CCAR2: variants seen among roughly 807,000 people sequenced by gnomAD.
The protein encoded by CCAR2 is cell cycle and apoptosis regulator protein 2.
CCAR2 carries 21 observed loss-of-function variants against 108.1 expected under a neutral mutation model. The observed-to-expected ratio is 0.19, with a 90% CI of 0.14 to 0.28. CCAR2 has a LOEUF of 0.28. Ranked by LOEUF, CCAR2 falls within the 10% of genes least tolerant of loss-of-function variation. The pLI, the probability that CCAR2 is intolerant of heterozygous loss-of-function variation, is 1.00. For synonymous variants in CCAR2, 577 were observed against 472.8 expected, an observed-to-expected ratio of 1.22 and a Z score of -2.86; for missense variants, 1,126 against 1,177.0, an observed-to-expected ratio of 0.96 and a Z score of 0.63.
In CCAR2 at chr8:22,615,928, CT is replaced by C. The variant is rs1563921760; in HGVS notation, c.1608+18del. The C allele has an allele frequency of 6.2e-7, 1 of 1,613,606 alleles. No individual in the cohort carries two copies. The highest frequency in any genetic ancestry group is 1.7e-5 in the Admixed American group (1 of 60,002). On this transcript the variant is annotated intron_variant, in intron 13 of 20. Transcript: ENST00000308511. The stretch of plus-strand genomic sequence containing the variant: ...CTCTTTTGAGGCAGGTGTCAAGAGT[CT>C]TGGGGAGGCTGTGGGCTGGGATTTG...
At chr8:22,615,966 C>T (rs1440237111) in intron 13 of CCAR2, 46 bp from the exon 14 acceptor site, 2 of 1,612,414 alleles carry the variant, frequency 1.2e-6, no homozygotes, top group East Asian at 2.2e-5. Flanking sequence ...GGGCCTGAAG[C>T]AGTCTTTCTT....
chr8:22,619,887 A>C lies in CCAR2; in HGVS notation c.*205A>C. 1.7e-6 allele frequency: 1 copy of C among 593,064 alleles called. No homozygotes were observed. Among genetic ancestry groups the C allele is most frequent in the Admixed American group, 2.9e-5 (1 of 34,244 alleles). The allele number at this position is 593,064 out of a possible 1,614,324, so 36.7% of individuals were successfully genotyped here. A position where few individuals can be genotyped will look rare whatever the true frequency, so the allele number is the denominator to read the frequency against. ...TGGATGTGTGAGGAACCCCGGTTCC[A>C]CTTAACAACTAAATACAACATCTTT... On this transcript the variant is annotated 3_prime_UTR_variant, in exon 21 of 21. Transcript: ENST00000308511.
At chr8:22,606,580 C>T (rs201309902) in intron 3 of CCAR2, 27 bp from the exon 4 acceptor site, 6 of 1,591,386 alleles carry the variant, frequency 3.8e-6, no homozygotes, top group African/African-American at 1.3e-5. Context: ...CTCCCTTTTA[C>T]TTTTCAGCTG....
intron 8 of CCAR2, 111 bp downstream of exon 8, chr8:22,613,247 C>G: frequency 8.4e-7 from 1 of 1,192,280 alleles, no homozygotes; most frequent in Non-Finnish European, 1.1e-6. Flanking sequence ...CCTTTTCTTA[C>G]AAAACGAAAA....
chr8:22,617,600 G>C (rs1563925839), intron 15 of CCAR2, 36 bp downstream of exon 15: 1 of 1,608,836 alleles, frequency 6.2e-7, no homozygotes, highest in Admixed American at 1.7e-5. Context: ...TTGCAGGCTT[G>C]GGATGTGGCT....
chr8:22,615,340 T>G, intron 11 of CCAR2, 85 bp from the exon 12 acceptor site: 1 of 1,498,976 alleles, frequency 6.7e-7, no homozygotes, highest in Non-Finnish European at 9.0e-7. Context: ...GAGTGCTGAC[T>G]GGAAACTGAA....
At position 22,616,153 on chromosome 8, in the gene CCAR2, A is replaced by G. The variant is rs1172880495; in HGVS notation, c.1750A>G (p.Thr584Ala). ...EKEEAAKEEA[T>A]KEEEAIKEEV... is the part of the protein sequence containing the mutation. Reference sequence around the variant, plus strand: ...GGAGGAGGCGGCCAAGGAAGAAGCCACCAAGGAGGAAGAAGCCATCAAAGA... The same window carrying G: ...GGAGGAGGCGGCCAAGGAAGAAGCCGCCAAGGAGGAAGAAGCCATCAAAGA... The change falls in exon 14 of 21, where the codon ACC becomes GCC. Residue 584 changes from threonine (T) to alanine (A), a missense_variant. Physicochemically the swap from Thr to Ala is moderately conservative, Grantham distance 58. Around this residue, in one of 4 missense-constraint regions of CCAR2, gnomAD observed 1,013 missense variants for 993.9 expected, o/e 1.02. Transcript: ENST00000308511. 1.9e-6 allele frequency: 3 copies of G among 1,613,958 alleles called. No individual in the cohort carries two copies. The highest frequency in any genetic ancestry group is 1.7e-4 in the Middle Eastern group (1 of 6,058).
Position 22,606,617 on chromosome 8 carries a change from A to T in CCAR2, c.161A>T (p.Lys54Ile), listed in dbSNP as rs376518135. ...QNARHLQGGE[K>I]QRVFTGIVTS... ...CTCCTTCTCTTACAGGGTGGGGAGA[A>T]ACAGCGGGTCTTCACTGGTATTGTT... Residue 54 changes from lysine (K) to isoleucine (I), a missense_variant, in exon 4 of 21, where the codon AAA becomes ATA. This residue lies in a region of CCAR2 where 17 missense variants were observed against 56.1 expected (regional missense o/e 0.30). Coordinates refer to ENST00000308511, the MANE Select transcript of CCAR2 (RefSeq NM_001393997.1). 1 of 1,613,848 alleles carries T rather than the reference A, an allele frequency of 6.2e-7. No homozygotes were observed. Among genetic ancestry groups the T allele is most frequent in the African/African-American group, 1.3e-5 (1 of 74,922 alleles).
rs893807052 is a variant in CCAR2, at chr8:22,604,800, C to T, written c.-81C>T. 6.6e-6 allele frequency: 3 copies of T among 455,562 alleles called. No homozygotes were observed. Among genetic ancestry groups the T allele is most frequent in the African/African-American group, 4.0e-5 (2 of 50,054 alleles). 28.2% of individuals were successfully genotyped at this position (455,562 alleles called of 1,614,324 possible). ...GGCGGCAGCAGCGGCTGTGGTGGTT[C>T]CGGGTGTCTTTGTCCCCCCGGTGTC... is the stretch of plus-strand genomic sequence containing the variant. On this transcript the variant is annotated 5_prime_UTR_variant, in exon 1 of 21. Coordinates refer to ENST00000308511, the MANE Select transcript of CCAR2 (RefSeq NM_001393997.1).
At chr8:22,611,388 A>ATATATGTGTGTGTGTGTG (rs1554559973) in intron 7 of CCAR2, among the ~76,000 whole-genome samples, 37 of 128,478 alleles carry the variant, frequency 2.9e-4, no homozygotes, top group Non-Finnish European at 4.8e-4. Context: ...AAGTATATAT[A>ATATATGTGTGTGTGTGTG]TGTGTGTGTG....
intron 7 of CCAR2, among the ~76,000 whole-genome samples, chr8:22,611,647 AG>A (rs2117436215): frequency 6.6e-6 from 1 of 152,132 alleles, no homozygotes; most frequent in East Asian, 1.9e-4. Flanking sequence ...TTAATCTTAC[AG>A]TTCAAATTAT....
intron 7 of CCAR2, among the ~76,000 whole-genome samples, chr8:22,608,990 G>A (rs1370011825): frequency 6.6e-6 from 1 of 151,850 alleles, no homozygotes; most frequent in Non-Finnish European, 1.5e-5. Context: ...AGATTGAAAT[G>A]CACAAATCTT....
At chr8:22,611,550 A>G (rs185381906) in intron 7 of CCAR2, among the ~76,000 whole-genome samples, 1 of 152,186 alleles carries the variant, frequency 6.6e-6, no homozygotes, top group East Asian at 1.9e-4. Context: ...AGAATTTTAG[A>G]AAATAATTTT....
At chr8:22,611,610 C>G (rs1801286579) in intron 7 of CCAR2, among the ~76,000 whole-genome samples, 1 of 152,038 alleles carries the variant, frequency 6.6e-6, no homozygotes, top group Non-Finnish European at 1.5e-5. Flanking sequence ...TAGTTTTTAT[C>G]TATACATGTG....
rs747580810 is a variant in CCAR2 at position 22,616,132 on chromosome 8, G to C, written c.1729G>C (p.Glu577Gln). Residue 577 changes from glutamate (E) to glutamine (Q), a missense_variant, in exon 14 of 21, where the codon GAG (glutamate) becomes CAG (glutamine). Physicochemically the swap from Glu to Gln is conservative, Grantham distance 29. This residue lies in a region of CCAR2 where 1,013 missense variants were observed against 993.9 expected (regional missense o/e 1.02). Transcript: ENST00000308511. ...GTCCCCACCTGAACCTGAGAAGGAGGAGGCGGCCAAGGAAGAAGCCACCAA... is the reference window on the plus strand; with the variant it reads ...GTCCCCACCTGAACCTGAGAAGGAGCAGGCGGCCAAGGAAGAAGCCACCAA... ...VVSPPEPEKE[E>Q]AAKEEATKEE... is the part of the protein sequence containing the mutation. 1 of 1,614,036 alleles carries C rather than the reference G, an allele frequency of 6.2e-7. No individual in the cohort carries two copies. The highest frequency in any genetic ancestry group is 1.1e-5 in the South Asian group (1 of 91,076).
At position 22,619,160 on chromosome 8, in the gene CCAR2, T is replaced by C. The variant is rs1801649421; in HGVS notation, c.2532T>C (p.His844=). Residue 844 remains histidine, a synonymous_variant, in exon 20 of 21, where the codon CAT becomes CAC. Transcript: ENST00000308511. ...TTCTCCACCTTGCAGAGGAGAGCCATAACCGTTTCTCAGCCACTGAAGTAA... is the reference window on the plus strand; with the variant it reads ...TTCTCCACCTTGCAGAGGAGAGCCACAACCGTTTCTCAGCCACTGAAGTAA... ...HTLELKLEES[H]NRFSATEVTN... is the part of the protein sequence containing the mutation. 1 of 1,602,662 alleles carries C rather than the reference T, an allele frequency of 6.2e-7. No individual in the cohort carries two copies. Among genetic ancestry groups the C allele is most frequent in the Non-Finnish European group, 8.5e-7 (1 of 1,175,026 alleles).
At chr8:22,619,528 G>GCAGT (rs889084625) in intron 20 of CCAR2, 110 bp from the exon 21 acceptor site, 12 of 1,419,622 alleles carry the variant, frequency 8.5e-6, no homozygotes, top group African/African-American at 7.1e-5. Flanking sequence ...TGGGAATTGA[G>GCAGT]CAGTCAGCAG....
At chr8:22,607,588 T>G (rs1801125526) in intron 6 of CCAR2, among the ~76,000 whole-genome samples, 1 of 148,620 alleles carries the variant, frequency 6.7e-6, no homozygotes, top group East Asian at 2.0e-4. Context: ...CTGCCTCAGC[T>G]TCCCCCGTAG....
rs1365185606 is a variant in CCAR2, at chr8:22,619,948, G to T, written c.*266G>T. The T allele has an allele frequency of 5.8e-6, 3 of 520,586 alleles. No individual in the cohort carries two copies. The highest frequency in any genetic ancestry group is 4.7e-5 in the South Asian group (2 of 42,854). The allele number at this position is 520,586 out of a possible 1,614,324, so 32.2% of individuals were successfully genotyped here. A position where few individuals can be genotyped will look rare whatever the true frequency, so the allele number is the denominator to read the frequency against. On this transcript the variant is annotated 3_prime_UTR_variant, in exon 21 of 21. Transcript: ENST00000308511. The stretch of plus-strand genomic sequence containing the variant: ...GAATGTCATTTTGCCCTCAACCTTG[G>T]TATTTCTCCTGGGGCCCTTTTAGTC...
Sources: gnomAD v4.1 joint callset for allele counts (sites outside exome capture counted in the v4.1 genomes callset) on GRCh38, gnomAD v4.1.1 for gene constraint, gnomAD v4.1.1 regional missense constraint, MANE v1.5 for transcripts, NCBI Gene and HGNC (gene_info 2026-07-23, HGNC 2026-07-21) for gene names.